Variants in CXADR observed in about 807,000 individuals in gnomAD.
CXADR encodes CXADR cell adhesion molecule.
Under a neutral mutation model 40.3 loss-of-function variants are expected in CXADR, and 20 were observed. That is an observed-to-expected ratio of 0.50 (90% CI 0.35 to 0.72). The LOEUF (loss-of-function observed/expected upper bound fraction) is 0.72. Among genes scored for constraint, CXADR ranks in the 30% least tolerant of loss-of-function variants. The pLI, the probability that CXADR is intolerant of heterozygous loss-of-function variation, is 0.01. For synonymous variants in CXADR, 150 were observed against 161.3 expected (o/e 0.93, Z 0.53); for missense variants, 332 against 449.1 (o/e 0.74, Z 2.36).
At chr21:17,528,914 C>T (rs1480401213) in intron 1 of CXADR, among the ~76,000 whole-genome samples, 3 of 152,104 alleles carry the variant, frequency 2.0e-5, no homozygotes, top group African/African-American at 4.8e-5. Context: ...CTCCAGCTCC[C>T]GTTCCTGATG....
chr21:17,520,003 G>GCA (rs928280861), intron 1 of CXADR, among the ~76,000 whole-genome samples: 19 of 151,424 alleles, frequency 1.3e-4, no homozygotes, highest in East Asian at 5.8e-4. Context: ...GCACGCACAT[G>GCA]CACACACACA....
chr21:17,568,369 C>T lies in CXADR; in HGVS notation c.*2677C>T, dbSNP rs574020853. 9 of 915,566 alleles carry T rather than the reference C, an allele frequency of 9.8e-6. No individual in the cohort carries two copies. In the African/African-American group the frequency reaches 1.6e-4, roughly 16 times the overall value. 56.7% of individuals were successfully genotyped at this position (915,566 alleles called of 1,614,324 possible). On this transcript the variant is annotated 3_prime_UTR_variant, in exon 7 of 7. Transcript: ENST00000284878. ...GGTCTCGATCTCCTGACCTCGTGATCTGCCTGCCTCGGCCTCCCAAAGTGC... is the reference window on the plus strand; with the variant it reads ...GGTCTCGATCTCCTGACCTCGTGATTTGCCTGCCTCGGCCTCCCAAAGTGC...
chr21:17,600,891 C>T, the CXADR span, among the ~76,000 whole-genome samples: 1 of 151,988 alleles, frequency 6.6e-6, no homozygotes, highest in South Asian at 2.1e-4. Context: ...GGGCTGGGCG[C>T]GGTGGCTCAT....
downstream of CXADR, among the ~76,000 whole-genome samples, chr21:17,571,101 C>T (rs1382327474): frequency 6.6e-6 from 1 of 152,172 alleles, no homozygotes; most frequent in Non-Finnish European, 1.5e-5. Context: ...GGAGCCAAAT[C>T]GCCTCCTTTT....
the CXADR span, among the ~76,000 whole-genome samples, chr21:17,603,552 G>A: frequency 1.3e-5 from 2 of 152,116 alleles, no homozygotes; most frequent in Non-Finnish European, 2.9e-5. Context: ...GTCAGTCTGC[G>A]ACCACCTTAG....
intron 1 of CXADR, among the ~76,000 whole-genome samples, chr21:17,522,001 C>A (rs936088223): frequency 3.3e-5 from 5 of 151,996 alleles, no homozygotes; most frequent in Admixed American, 3.3e-4. Flanking sequence ...TGTCGCTTTG[C>A]CTTTATTTTT....
intron 7 of CXADR, among the ~76,000 whole-genome samples, chr21:17,580,720 T>C (rs1174278722): frequency 2.0e-5 from 3 of 152,202 alleles, no homozygotes; most frequent in Non-Finnish European, 4.4e-5. Flanking sequence ...TATACTGGCA[T>C]ATACATGTAT....
At chr21:17,632,585 A>G in the CXADR span, among the ~76,000 whole-genome samples, 2 of 152,158 alleles carry the variant, frequency 1.3e-5, no homozygotes. Flanking sequence ...AACTGAAGAG[A>G]GGCCGGGCGT....
intron 1 of CXADR, among the ~76,000 whole-genome samples, chr21:17,517,078 CAAAT>C (rs947491279): frequency 9.9e-5 from 15 of 152,146 alleles, no homozygotes; most frequent in Non-Finnish European, 1.9e-4. Flanking sequence ...TCTCAGATAT[CAAAT>C]AAAGGTACCT....
At chr21:17,556,726 A>C (rs1400477079) in intron 3 of CXADR, among the ~76,000 whole-genome samples, 1 of 152,178 alleles carries the variant, frequency 6.6e-6, no homozygotes, top group East Asian at 1.9e-4. Flanking sequence ...AAATAAACAG[A>C]TTTGTTTGGA....
At chr21:17,543,731 A>C (rs948649031) in intron 1 of CXADR, among the ~76,000 whole-genome samples, 8 of 152,222 alleles carry the variant, frequency 5.3e-5, no homozygotes, top group Non-Finnish European at 5.9e-5. Flanking sequence ...CTACAGCAGG[A>C]GATAGAGGTA....
the CXADR span, among the ~76,000 whole-genome samples, chr21:17,608,212 T>A: frequency 8.5e-5 from 13 of 152,154 alleles, no homozygotes; most frequent in East Asian, 1.2e-3. Flanking sequence ...CAAAAAAAAA[T>A]TTGTTTTTAA....
the CXADR span, among the ~76,000 whole-genome samples, chr21:17,610,929 C>G: frequency 1.3e-5 from 2 of 150,526 alleles, no homozygotes; most frequent in African/African-American, 4.9e-5. Context: ...ATAAATTCTA[C>G]ACAGTTATCT....
chr21:17,529,472 C>A, intron 1 of CXADR, among the ~76,000 whole-genome samples: 1 of 152,114 alleles, frequency 6.6e-6, no homozygotes, highest in Non-Finnish European at 1.5e-5. Context: ...AGGCATGTGC[C>A]ACCACGCCCT....
At chr21:17,592,948 AAATAAC>A (rs1362000588) in intron 7 of CXADR, among the ~76,000 whole-genome samples, 1 of 151,970 alleles carries the variant, frequency 6.6e-6, no homozygotes, top group East Asian at 1.9e-4. Context: ...ATCTTCCTAA[AAATAAC>A]AATAATTTGT....
At chr21:17,593,563 C>G (rs2061463000) in exon 8 of CXADR, 2 of 168,200 alleles carry the variant, frequency 1.2e-5, no homozygotes. Context: ...TTCTTACGTT[C>G]TGTTTAATGT....
chr21:17,579,926 T>G (rs942297747), intron 7 of CXADR, among the ~76,000 whole-genome samples: 2 of 152,114 alleles, frequency 1.3e-5, no homozygotes, highest in African/African-American at 4.8e-5. Context: ...CTATTGCATA[T>G]AGAGGACTTG....
the CXADR span, among the ~76,000 whole-genome samples, chr21:17,635,885 C>T: frequency 2.0e-5 from 3 of 152,132 alleles, no homozygotes; most frequent in Admixed American, 1.3e-4. Context: ...GAAGAAATGA[C>T]GTCTTAACAA....
chr21:17,513,536 C>T (rs1475721790), intron 1 of CXADR, among the ~76,000 whole-genome samples: 1 of 152,248 alleles, frequency 6.6e-6, no homozygotes, highest in African/African-American at 2.4e-5. Flanking sequence ...TGTCAGCCTT[C>T]GTGTCGGTTC....
Sources: gnomAD v4.1 joint callset for allele counts (sites outside exome capture counted in the v4.1 genomes callset) on GRCh38, gnomAD v4.1.1 for gene constraint, MANE v1.5 for transcripts, NCBI Gene and HGNC (gene_info 2026-07-23, HGNC 2026-07-21) for gene names.